Variants in CEP128 observed in about 807,000 individuals in gnomAD.
CEP128 encodes centrosomal protein 128, also known as centrosomal protein 128kDa.
In CEP128, 132 loss-of-function variants were observed where a neutral mutation model predicts 156.7. The observed-to-expected ratio is 0.84, with a 90% CI of 0.73 to 0.97. CEP128 has a LOEUF of 0.97. Ranked by LOEUF, CEP128 falls within the 50% of genes least tolerant of loss-of-function variation. CEP128 has a pLI of 0.00. For synonymous variants in CEP128, 469 were observed against 448.9 expected (o/e 1.04, Z -0.57); for missense variants, 1,252 against 1,281.9 (o/e 0.98, Z 0.36).
chr14:80,818,140 C>T (rs1468810217), intron 13 of CEP128, among the ~76,000 whole-genome samples: 1 of 152,146 alleles, frequency 6.6e-6, no homozygotes, highest in Non-Finnish European at 1.5e-5. Flanking sequence ...TCACCTCAGC[C>T]TCCTGAGTAG....
At chr14:80,916,254 G>T in intron 3 of CEP128, 147 bp downstream of exon 3, 1 of 653,324 alleles carries the variant, frequency 1.5e-6, no homozygotes, top group Non-Finnish European at 2.6e-6. Flanking sequence ...TGATGTACAA[G>T]ACCTTAAGAT....
intron 19 of CEP128, among the ~76,000 whole-genome samples, chr14:80,625,771 C>T (rs766514632): frequency 7.3e-5 from 11 of 151,040 alleles, no homozygotes; most frequent in South Asian, 2.1e-4. Flanking sequence ...TTTCCCTCTC[C>T]TTCCTCTCTT....
At chr14:80,887,472 A>G (rs1358479463) in intron 8 of CEP128, among the ~76,000 whole-genome samples, 1 of 152,174 alleles carries the variant, frequency 6.6e-6, no homozygotes, top group Non-Finnish European at 1.5e-5. Flanking sequence ...GGATTAAGAA[A>G]TTCTCTCAAA....
At chr14:80,951,714 G>T (rs1414499899) in intron 2 of CEP128, among the ~76,000 whole-genome samples, 1 of 152,002 alleles carries the variant, frequency 6.6e-6, no homozygotes, top group East Asian at 1.9e-4. Context: ...AAAAGGCAGA[G>T]ACGGCGAGAC....
intron 19 of CEP128, among the ~76,000 whole-genome samples, chr14:80,652,233 A>G (rs923267563): frequency 2.6e-5 from 4 of 152,144 alleles, no homozygotes; most frequent in African/African-American, 7.2e-5. Flanking sequence ...CTAAAACCAT[A>G]AAAATCCTAG....
At chr14:80,721,428 T>G (rs1434893276) in intron 19 of CEP128, among the ~76,000 whole-genome samples, 1 of 152,196 alleles carries the variant, frequency 6.6e-6, no homozygotes, top group Non-Finnish European at 1.5e-5. Context: ...GGAATTCAGG[T>G]GTGCTCTAAG....
In CEP128 at chr14:80,678,049, A is replaced by AAAAAATATATATATAT; in HGVS notation, c.2806+65025_2806+65026insATATATATATATTTTT. Among the ~76,000 whole-genome samples, 253 of 98,486 alleles carry AAAAAATATATATATAT rather than the reference A, an allele frequency of 2.6e-3. 2 individuals carry two copies. The highest frequency in any genetic ancestry group is 7.5e-3 in the African/African-American group (239 of 31,752). The allele number at this position is 98,486 out of a possible 152,430, so 64.6% of individuals were successfully genotyped here. ...ATGGACAGTTGCTCTATAAAAAAAA[A>AAAAAATATATATATAT]ATATATATATATATGTATATATATA... On this transcript the variant is annotated intron_variant, in intron 19 of 24. Coordinates refer to ENST00000555265, the MANE Select transcript of CEP128 (RefSeq NM_152446.5).
At chr14:80,751,631 C>CTTT (rs550491859) in intron 18 of CEP128, among the ~76,000 whole-genome samples, 1 of 138,714 alleles carries the variant, frequency 7.2e-6, no homozygotes, top group African/African-American at 2.7e-5. Context: ...GTAAATATGT[C>CTTT]TTTTTTTTTT....
At chr14:80,610,225 CTTA>C (rs1892942098) in intron 19 of CEP128, among the ~76,000 whole-genome samples, 1 of 152,106 alleles carries the variant, frequency 6.6e-6, no homozygotes, top group Non-Finnish European at 1.5e-5. Context: ...CTTTCCCCCA[CTTA>C]TTTGAAATAA....
chr14:80,541,459 A>C (rs1889757363), intron 21 of CEP128, among the ~76,000 whole-genome samples: 1 of 150,450 alleles, frequency 6.6e-6, no homozygotes, highest in Non-Finnish European at 1.5e-5. Context: ...AAAAAAAAAA[A>C]AAAAAACCAG....
chr14:80,786,403 T>TA (rs1901409126), intron 14 of CEP128, among the ~76,000 whole-genome samples: 2 of 152,198 alleles, frequency 1.3e-5, no homozygotes, highest in African/African-American at 4.8e-5. Flanking sequence ...AATAATGAGT[T>TA]AAAATGCAAA....
At chr14:80,686,160 C>T (rs1314008370) in intron 19 of CEP128, among the ~76,000 whole-genome samples, 2 of 152,020 alleles carry the variant, frequency 1.3e-5, no homozygotes, top group Non-Finnish European at 2.9e-5. Flanking sequence ...ATTAAACAGA[C>T]AATCTATAGA....
intron 19 of CEP128, among the ~76,000 whole-genome samples, chr14:80,662,242 T>G (rs1052411144): frequency 6.6e-6 from 1 of 152,188 alleles, no homozygotes; most frequent in Non-Finnish European, 1.5e-5. Context: ...AGTGGCTGAT[T>G]TACATGTTTT....
intron 19 of CEP128, among the ~76,000 whole-genome samples, chr14:80,710,877 C>T (rs764055211): frequency 6.6e-6 from 1 of 152,048 alleles, no homozygotes. Flanking sequence ...GGAAATAAAC[C>T]ATCTGATATT....
At chr14:80,803,255 A>T (rs950094891) in intron 13 of CEP128, among the ~76,000 whole-genome samples, 1 of 151,878 alleles carries the variant, frequency 6.6e-6, no homozygotes, top group Non-Finnish European at 1.5e-5. Flanking sequence ...TTCCAAATTT[A>T]TGCTGCCTAG....
At chr14:80,576,792 G>A (rs527382849) in intron 20 of CEP128, among the ~76,000 whole-genome samples, 3 of 152,170 alleles carry the variant, frequency 2.0e-5, no homozygotes, top group Non-Finnish European at 2.9e-5. Flanking sequence ...GGAGACCCAG[G>A]AATAGGGGCT....
rs146417876 is a variant in CEP128, at chr14:80,535,576, C to T, written c.2881-4690G>A. Among the ~76,000 whole-genome samples the T allele has an allele frequency of 2.3e-3, 350 of 152,192 alleles. 1 individual carries two copies. The highest frequency in any genetic ancestry group is 8.1e-3 in the African/African-American group (337 of 41,510). ...GTACTCAGGACCACGTGTCTAAACA[C>T]ACTTGTGTGCACACACGCGCACGCA... On this transcript the variant is annotated intron_variant, in intron 21 of 24. Transcript: ENST00000555265.
intron 19 of CEP128, among the ~76,000 whole-genome samples, chr14:80,617,526 C>A (rs1376058294): frequency 6.6e-6 from 1 of 152,034 alleles, no homozygotes; most frequent in Non-Finnish European, 1.5e-5. Context: ...TGAGCCACCG[C>A]GCCCGGCCGT....
intron 9 of CEP128, among the ~76,000 whole-genome samples, chr14:80,861,932 C>CA (rs1221068360): frequency 6.6e-6 from 1 of 151,836 alleles, no homozygotes; most frequent in Non-Finnish European, 1.5e-5. Context: ...AAATGTTTCA[C>CA]AAAAAATTAC....
Sources: gnomAD v4.1 joint callset for allele counts (sites outside exome capture counted in the v4.1 genomes callset) on GRCh38, gnomAD v4.1.1 for gene constraint, MANE v1.5 for transcripts, NCBI Gene and HGNC (gene_info 2026-07-23, HGNC 2026-07-21) for gene names.